The following KAZN variants were observed in gnomAD, a reference collection of about 807,000 sequenced individuals.
The protein encoded by KAZN is kazrin, periplakin interacting protein.
KAZN carries 40 observed loss-of-function variants against 87.4 expected under a neutral mutation model. The ratio of observed to expected loss-of-function variants is 0.46; its 90% CI spans 0.36 to 0.60. The LOEUF (loss-of-function observed/expected upper bound fraction) is 0.60. Ranked by LOEUF, KAZN falls within the 20% of genes least tolerant of loss-of-function variation. The probability of loss-of-function intolerance (pLI) is 0.00; values close to 1 mark genes in which losing one functional copy is unlikely to be tolerated. For synonymous variants in KAZN, 466 were observed against 458.3 expected, an observed-to-expected ratio of 1.02 and a Z score of -0.22; for missense variants, 898 against 1,073.9, an observed-to-expected ratio of 0.84 and a Z score of 2.29.
At chr1:14,115,067 T>C (rs1644585951) in intron 1 of KAZN, among the ~76,000 whole-genome samples, 1 of 152,196 alleles carries the variant, frequency 6.6e-6, no homozygotes, top group South Asian at 2.1e-4. Context: ...TCCCACAGAC[T>C]GAGTGGGTTA....
At chr1:14,808,537 A>T (rs994603484) in intron 1 of KAZN, among the ~76,000 whole-genome samples, 2 of 151,044 alleles carry the variant, frequency 1.3e-5, no homozygotes, top group East Asian at 3.9e-4. Context: ...ACCTCAAGTG[A>T]TCCACCCACC....
At chr1:14,800,955 T>C (rs9804039) in intron 1 of KAZN, among the ~76,000 whole-genome samples, 64,217 of 150,788 alleles carry the variant, frequency 0.43, 15,335 homozygotes, top group African/African-American at 0.65. Context: ...GGAATTAGGT[T>C]ACGGTGATAG....
At chr1:14,046,786 T>C (rs548515656) in intron 1 of KAZN, among the ~76,000 whole-genome samples, 1 of 152,338 alleles carries the variant, frequency 6.6e-6, no homozygotes, top group Admixed American at 6.5e-5. Context: ...CTTGCTTCTC[T>C]CAAGGTCATC....
intron 2 of KAZN, among the ~76,000 whole-genome samples, chr1:14,443,554 G>A (rs1243302149): frequency 6.6e-6 from 1 of 152,194 alleles, no homozygotes; most frequent in East Asian, 1.9e-4. Context: ...GAGGCCCCTG[G>A]CCTTCCTGCC....
chr1:14,066,956 C>T (rs1229777142), intron 1 of KAZN, among the ~76,000 whole-genome samples: 2 of 152,166 alleles, frequency 1.3e-5, no homozygotes, highest in Non-Finnish European at 2.9e-5. Context: ...TTGGCTCAGC[C>T]TAAATGTCAC....
At chr1:14,523,011 T>C (rs1012690780) in intron 2 of KAZN, among the ~76,000 whole-genome samples, 2 of 152,140 alleles carry the variant, frequency 1.3e-5, no homozygotes, top group African/African-American at 4.8e-5. Flanking sequence ...CTCCCCAGCA[T>C]GTACGAGCTA....
At chr1:15,057,640 A>G (rs1050790701) in intron 5 of KAZN, among the ~76,000 whole-genome samples, 2 of 152,150 alleles carry the variant, frequency 1.3e-5, no homozygotes, top group African/African-American at 2.4e-5. Context: ...TCAAAGCCTC[A>G]ACTCAGAGGT....
chr1:15,027,314 T>A (rs924408473), intron 2 of KAZN, among the ~76,000 whole-genome samples: 7 of 151,952 alleles, frequency 4.6e-5, no homozygotes, highest in Non-Finnish European at 1.0e-4. Context: ...TCTCCTTACC[T>A]CGTTATCTGC....
chr1:14,069,794 C>G (rs1643168317), intron 1 of KAZN, among the ~76,000 whole-genome samples: 1 of 152,138 alleles, frequency 6.6e-6, no homozygotes, highest in Admixed American at 6.5e-5. Context: ...TCCTTATTAG[C>G]CACAAGACAA....
chr1:14,096,215 G>A lies in KAZN; in HGVS notation c.92-84220G>A, dbSNP rs536981129. 1.4e-3 allele frequency among the ~76,000 whole-genome samples: 212 copies of A among 152,280 alleles called. 1 individual carries two copies. In the Middle Eastern group the frequency reaches 0.02, roughly 15 times the overall value. On this transcript the variant is annotated intron_variant, in intron 1 of 16. Transcript: ENST00000636203. ...CATAATTTTTTTAAAAGATGAAGTTGCCTTCATCATAGAAACAGTCCCATA... is the reference window on the plus strand; with the variant it reads ...CATAATTTTTTTAAAAGATGAAGTTACCTTCATCATAGAAACAGTCCCATA...
chr1:14,417,594 A>C (rs1040896638), intron 2 of KAZN, among the ~76,000 whole-genome samples: 39 of 152,274 alleles, frequency 2.6e-4, no homozygotes, highest in Non-Finnish European at 5.0e-4. Context: ...CAAACCAGAG[A>C]AACAGGTGGC....
intron 1 of KAZN, among the ~76,000 whole-genome samples, chr1:14,955,517 C>T (rs975960930): frequency 1.6e-4 from 25 of 152,322 alleles, no homozygotes; most frequent in Non-Finnish European, 5.9e-5. Flanking sequence ...TAGCAAGCTC[C>T]GATAAGCCTC....
intron 1 of KAZN, among the ~76,000 whole-genome samples, chr1:13,993,373 G>A (rs1351473644): frequency 2.0e-5 from 3 of 152,054 alleles, no homozygotes; most frequent in South Asian, 2.1e-4. Context: ...AAGAATGGAA[G>A]GGAAAGAGCA....
chr1:14,855,699 T>C (rs1650019233), intron 1 of KAZN, among the ~76,000 whole-genome samples: 1 of 152,216 alleles, frequency 6.6e-6, no homozygotes, highest in South Asian at 2.1e-4. Context: ...TCCTATGTGC[T>C]GGGCACTTTG....
chr1:15,057,240 G>A (rs143060818), intron 5 of KAZN, among the ~76,000 whole-genome samples: 1 of 152,340 alleles, frequency 6.6e-6, no homozygotes, highest in Non-Finnish European at 1.5e-5. Flanking sequence ...GCTTACTAGA[G>A]GCATGACCCA....
chr1:14,001,402 A>G (rs1306434555), intron 1 of KAZN, among the ~76,000 whole-genome samples: 1 of 152,240 alleles, frequency 6.6e-6, no homozygotes, highest in Non-Finnish European at 1.5e-5. Context: ...TAGGAAGAAT[A>G]AATATCATGA....
At chr1:14,193,261 T>G (rs139652130) in intron 2 of KAZN, among the ~76,000 whole-genome samples, 97 of 152,242 alleles carry the variant, frequency 6.4e-4, no homozygotes, top group Admixed American at 4.7e-3. Flanking sequence ...GCTTGGGCAG[T>G]TCTTTACAGC....
intron 1 of KAZN, among the ~76,000 whole-genome samples, chr1:14,679,426 G>C (rs1423472162): frequency 1.3e-5 from 2 of 152,148 alleles, no homozygotes; most frequent in Admixed American, 1.3e-4. Flanking sequence ...GGTGATATGG[G>C]GTAGGGGGAA....
chr1:14,308,091 CAAAG>C (rs1189481982), intron 2 of KAZN, among the ~76,000 whole-genome samples: 5 of 152,048 alleles, frequency 3.3e-5, no homozygotes, highest in East Asian at 1.9e-4. Flanking sequence ...TCAGGAAACA[CAAAG>C]AAAGACAAAG....
Sources: allele counts gnomAD v4.1 joint callset (sites outside exome capture counted in the v4.1 genomes callset), GRCh38; gene constraint gnomAD v4.1.1; transcripts MANE v1.5; gene names NCBI Gene and HGNC (gene_info 2026-07-23, HGNC 2026-07-21).